SMIM5: variants seen among roughly 807,000 people sequenced by gnomAD.
The protein encoded by SMIM5 is chromosome 17 open reading frame 109.
A neutral mutation model predicts 4.0 loss-of-function variants in SMIM5; 4 were observed. The observed-to-expected ratio is 1.01, with a 90% CI of 0.50 to 2.30. The LOEUF (loss-of-function observed/expected upper bound fraction) is 2.30, where lower values mean the gene tolerates loss of function less well. SMIM5 is among the 30% of genes most tolerant of loss of function. SMIM5 has a pLI of 0.02. For missense variants in SMIM5, 107 were observed against 99.2 expected (o/e 1.08, Z -0.34); for synonymous variants, 46 against 43.6 (o/e 1.05, Z -0.22).
intron 1 of SMIM5, among the ~76,000 whole-genome samples, chr17:75,635,062 C>T (rs962019632): frequency 6.6e-6 from 1 of 152,204 alleles, no homozygotes; most frequent in East Asian, 1.9e-4. Context: ...CTCAAGCCAG[C>T]GTTAAAGCCA....
At position 75,640,455 on chromosome 17, in the gene SMIM5, C is replaced by T; in HGVS notation, c.127+127C>T. 7.2e-7 allele frequency: 1 copy of T among 1,395,842 alleles called. No homozygotes were observed. Among genetic ancestry groups the T allele is most frequent in the Non-Finnish European group, 9.5e-7 (1 of 1,057,140 alleles). The allele number at this position is 1,395,842 out of a possible 1,614,324, so 86.5% of individuals were successfully genotyped here. A position where few individuals can be genotyped will look rare whatever the true frequency, so the allele number is the denominator to read the frequency against. On this transcript the variant is annotated intron_variant, in intron 2 of 2. Coordinates refer to ENST00000375215, the MANE Select transcript of SMIM5 (RefSeq NM_001162995.3). The surrounding 1 kb of genome is among the most constrained non-coding windows in gnomAD (Gnocchi z 4.6). The stretch of plus-strand genomic sequence containing the variant: ...GGATCAAGGAGGAAAACCAGTTGTC[C>T]CTTGGGGGAAGCCAAGGGACTTCCC...
chr17:75,638,275 G>A (rs1246119348), intron 1 of SMIM5: 1 of 152,216 alleles, frequency 6.6e-6, no homozygotes, highest in Non-Finnish European at 1.5e-5. Context: ...GATGTCAGGA[G>A]TTCGAGACCA....
Position 75,640,968 on chromosome 17 carries a change from C to A in SMIM5, c.*71C>A. 6.6e-7 allele frequency: 1 copy of A among 1,518,402 alleles called. No individual in the cohort carries two copies. Among genetic ancestry groups the A allele is most frequent in the Non-Finnish European group, 8.8e-7 (1 of 1,132,864 alleles). 94.1% of individuals were successfully genotyped at this position (1,518,402 alleles called of 1,614,324 possible). ...GCCATGACACAGGCCATCAGCCTGG[C>A]CCTGCAGCCCTTACCCCTCAAGACC... On this transcript the variant is annotated 3_prime_UTR_variant, in exon 3 of 3. Transcript: ENST00000375215. The surrounding 1 kb of genome is among the most constrained non-coding windows in gnomAD (Gnocchi z 4.6).
chr17:75,633,537 A>T lies in SMIM5; in HGVS notation c.-702A>T. ...TCAGGATTCCAAGTTCTCCCCCAAG[A>T]CGCCTTCAGATGCTGAGCGGCACAA... is the stretch of plus-strand genomic sequence containing the variant. On this transcript the variant is annotated 5_prime_UTR_variant, in exon 1 of 3. Transcript: ENST00000375215. The T allele has an allele frequency of 6.2e-6, 8 of 1,285,378 alleles. No homozygotes were observed. Among genetic ancestry groups the T allele is most frequent in the African/African-American group, 1.5e-5 (1 of 65,822 alleles). The allele number at this position is 1,285,378 out of a possible 1,614,324, so 79.6% of individuals were successfully genotyped here.
At position 75,640,660 on chromosome 17, in the gene SMIM5, T is replaced by C; in HGVS notation, c.128-131T>C. 1 of 1,465,590 alleles carries C rather than the reference T, an allele frequency of 6.8e-7. No individual in the cohort carries two copies. The highest frequency in any genetic ancestry group is 2.2e-5 in the Admixed American group (1 of 45,990). The allele number at this position is 1,465,590 out of a possible 1,614,324, so 90.8% of individuals were successfully genotyped here. A position where few individuals can be genotyped will look rare whatever the true frequency, so the allele number is the denominator to read the frequency against. On this transcript the variant is annotated intron_variant, in intron 2 of 2. Transcript: ENST00000375215. This position sits in a 1 kb window ranked among gnomAD's most constrained non-coding sequence, Gnocchi z 4.6. ...GGACCGTCCGCACCTCTCACCAGCC[T>C]CTCGGATCTTTCTGACCTCCACCAA...
intron 1 of SMIM5, chr17:75,635,728 G>C (rs550063179): frequency 3.3e-6 from 3 of 914,426 alleles, no homozygotes; most frequent in East Asian, 1.2e-4. Flanking sequence ...AACAGGGCAA[G>C]GGTGACTAAA....
chr17:75,640,985 C>G lies in SMIM5; in HGVS notation c.*88C>G. The G allele has an allele frequency of 6.7e-7, 1 of 1,502,096 alleles. No individual in the cohort carries two copies. Among genetic ancestry groups the G allele is most frequent in the Non-Finnish European group, 8.9e-7 (1 of 1,122,560 alleles). The allele number at this position is 1,502,096 out of a possible 1,614,324, so 93.0% of individuals were successfully genotyped here. A position where few individuals can be genotyped will look rare whatever the true frequency, so the allele number is the denominator to read the frequency against. ...CAGCCTGGCCCTGCAGCCCTTACCC[C>G]TCAAGACCAGGCTCCCCTGGCCCCA... On this transcript the variant is annotated 3_prime_UTR_variant, in exon 3 of 3. Transcript: ENST00000375215. The surrounding 1 kb of genome is among the most constrained non-coding windows in gnomAD (Gnocchi z 4.6).
chr17:75,640,813 G>A lies in SMIM5; in HGVS notation c.150G>A (p.Leu50=). ...LFTATVLLLL[L]IACSCCCTHC... ...CAGCTACTGTTCTGCTGTTGCTGCT[G>A]ATAGCCTGCAGCTGCTGCTGCACTC... Residue 50 remains leucine, a synonymous_variant, in exon 3 of 3, where the codon CTG becomes CTA. Coordinates refer to ENST00000375215, the MANE Select transcript of SMIM5 (RefSeq NM_001162995.3). The surrounding 1 kb of genome is among the most constrained non-coding windows in gnomAD (Gnocchi z 4.6). 1 of 1,550,320 alleles carries A rather than the reference G, an allele frequency of 6.5e-7. No homozygotes were observed. The highest frequency in any genetic ancestry group is 8.7e-7 in the Non-Finnish European group (1 of 1,146,922).
In SMIM5 at chr17:75,640,933, G is replaced by C. The variant is rs1269751173; in HGVS notation, c.*36G>C. ...ATGGCTGAGGAGAAGCTGGAGAGGAGATGGCCAATGCCATGACACAGGCCA... is the reference window on the plus strand; with the variant it reads ...ATGGCTGAGGAGAAGCTGGAGAGGACATGGCCAATGCCATGACACAGGCCA... On this transcript the variant is annotated 3_prime_UTR_variant, in exon 3 of 3. Transcript: ENST00000375215. This position sits in a 1 kb window ranked among gnomAD's most constrained non-coding sequence, Gnocchi z 4.6. 2.6e-6 allele frequency: 4 copies of C among 1,536,362 alleles called. No individual in the cohort carries two copies. In the South Asian group the frequency reaches 3.6e-5, roughly 14 times the overall value.
Position 75,640,046 on chromosome 17 carries a change from T to C in SMIM5, c.-36-120T>C, listed in dbSNP as rs895653262. 3.7e-6 allele frequency: 4 copies of C among 1,067,958 alleles called. No individual in the cohort carries two copies. Among genetic ancestry groups the C allele is most frequent in the Non-Finnish European group, 3.9e-6 (3 of 773,278 alleles). 66.2% of individuals were successfully genotyped at this position (1,067,958 alleles called of 1,614,324 possible). A position where few individuals can be genotyped will look rare whatever the true frequency, so the allele number is the denominator to read the frequency against. Reference sequence around the variant, plus strand: ...TAGGTGGAAGTCACCAGGGGTGCAATGTGTGAGACCTGACAAACTTGTTCT... The same window carrying C: ...TAGGTGGAAGTCACCAGGGGTGCAACGTGTGAGACCTGACAAACTTGTTCT... On this transcript the variant is annotated intron_variant, in intron 1 of 2. Coordinates refer to ENST00000375215, the MANE Select transcript of SMIM5 (RefSeq NM_001162995.3). The surrounding 1 kb of genome is among the most constrained non-coding windows in gnomAD (Gnocchi z 4.6).
At chr17:75,635,471 T>C (rs1300505366) in intron 1 of SMIM5, among the ~76,000 whole-genome samples, 1 of 152,206 alleles carries the variant, frequency 6.6e-6, no homozygotes, top group Non-Finnish European at 1.5e-5. Flanking sequence ...GAGCGCCTAC[T>C]GTTTCTAACA....
rs947156364 is a variant in SMIM5 at position 75,633,850 on chromosome 17, G to A, written c.-389G>A. 21 of 996,754 alleles carry A rather than the reference G, an allele frequency of 2.1e-5. No homozygotes were observed. Among genetic ancestry groups the A allele is most frequent in the South Asian group, 1.3e-4 (3 of 23,738 alleles). The allele number at this position is 996,754 out of a possible 1,614,324, so 61.7% of individuals were successfully genotyped here. A position where few individuals can be genotyped will look rare whatever the true frequency, so the allele number is the denominator to read the frequency against. On this transcript the variant is annotated 5_prime_UTR_variant, in exon 1 of 3. Transcript: ENST00000375215. ...AGCTCCCAACCCAGGCCCAGCCCAC[G>A]GCGTGGGAGTCGGGGAGAGGGAGAG...
chr17:75,640,323 T>C lies in SMIM5; in HGVS notation c.122T>C (p.Phe41Ser), dbSNP rs945984227. 2 of 1,547,738 alleles carry C rather than the reference T, an allele frequency of 1.3e-6. No homozygotes were observed. Among genetic ancestry groups the C allele is most frequent in the Admixed American group, 2.0e-5 (1 of 50,438 alleles). ...GTGGCCTTCTCAGTCATCATCCTTT[T>C]CACAGGTTAGTTGGGGCACTCAGCA... Reference protein sequence around the residue: ...EIVAFSVIILFTATVLLLLLI... With the variant: ...EIVAFSVIILSTATVLLLLLI... The change falls in exon 2 of 3, where the codon TTC becomes TCC. Residue 41 changes from phenylalanine (F) to serine (S), a missense_variant. By Grantham distance (155) the Phe-to-Ser change is radical (BLOSUM62 -2). Coordinates refer to ENST00000375215, the MANE Select transcript of SMIM5 (RefSeq NM_001162995.3). This position sits in a 1 kb window ranked among gnomAD's most constrained non-coding sequence, Gnocchi z 4.6.
chr17:75,634,357 G>T, intron 1 of SMIM5, 155 bp downstream of exon 1: 3 of 554,988 alleles, frequency 5.4e-6, no homozygotes, highest in Non-Finnish European at 6.9e-6. Flanking sequence ...CCAGCCTCCT[G>T]CACACACCTG....
rs1039637466 is a variant in SMIM5 at position 75,636,826 on chromosome 17, A to G, written c.-37+2624A>G. The G allele has an allele frequency of 2.0e-5, 3 of 152,258 alleles. No homozygotes were observed. The highest frequency in any genetic ancestry group is 6.5e-5 in the Admixed American group (1 of 15,286). The allele number at this position is 152,258 out of a possible 1,614,324, so 9.4% of individuals were successfully genotyped here. On this transcript the variant is annotated intron_variant, in intron 1 of 2. Coordinates refer to ENST00000375215, the MANE Select transcript of SMIM5 (RefSeq NM_001162995.3). The surrounding 1 kb of genome is among the most constrained non-coding windows in gnomAD (Gnocchi z 5.4). ...CAGAACAGCCACGTCCAACGGTCCTACTTCTGCTCACTGTGTGACAGGATA... is the reference window on the plus strand; with the variant it reads ...CAGAACAGCCACGTCCAACGGTCCTGCTTCTGCTCACTGTGTGACAGGATA...
rs917329425 is a variant in SMIM5 at position 75,640,355 on chromosome 17, G to A, written c.127+27G>A. 3 of 1,518,254 alleles carry A rather than the reference G, an allele frequency of 2.0e-6. No homozygotes were observed. The Admixed American group carries it at 6.4e-5, about 32-fold the overall frequency. The allele number at this position is 1,518,254 out of a possible 1,614,324, so 94.0% of individuals were successfully genotyped here. ...TTAGTTGGGGCACTCAGCACCCCAT[G>A]GCTCTCCCTGGCATCTGGGAGAGAC... On this transcript the variant is annotated intron_variant, in intron 2 of 2. Transcript: ENST00000375215. This position sits in a 1 kb window ranked among gnomAD's most constrained non-coding sequence, Gnocchi z 4.6.
At chr17:75,635,285 G>A (rs750148798) in intron 1 of SMIM5, among the ~76,000 whole-genome samples, 2 of 152,256 alleles carry the variant, frequency 1.3e-5, no homozygotes, top group Middle Eastern at 3.4e-3. Context: ...GGTCGGGGTC[G>A]GGGCACAGCG....
At position 75,633,917 on chromosome 17, in the gene SMIM5, G is replaced by A; in HGVS notation, c.-322G>A. 1 of 987,572 alleles carries A rather than the reference G, an allele frequency of 1.0e-6. No homozygotes were observed. Among genetic ancestry groups the A allele is most frequent in the South Asian group, 4.6e-5 (1 of 21,610 alleles). 61.2% of individuals were successfully genotyped at this position (987,572 alleles called of 1,614,324 possible). On this transcript the variant is annotated 5_prime_UTR_variant, in exon 1 of 3. Coordinates refer to ENST00000375215, the MANE Select transcript of SMIM5 (RefSeq NM_001162995.3). ...GAGAGAGGGAGCTTGTCTTGTCCCT[G>A]AGCAGCGCTCTCAGGGCAGAGGTGA...
chr17:75,635,729 G>A (rs1293225246), intron 1 of SMIM5: 3 of 933,284 alleles, frequency 3.2e-6, no homozygotes, highest in Non-Finnish European at 3.8e-6. Context: ...ACAGGGCAAG[G>A]GTGACTAAAA....
Sources: gnomAD v4.1 joint callset for allele counts (sites outside exome capture counted in the v4.1 genomes callset) on GRCh38, gnomAD v4.1.1 for gene constraint, Gnocchi (gnomAD v3.1) non-coding constraint, MANE v1.5 for transcripts, NCBI Gene and HGNC (gene_info 2026-07-23, HGNC 2026-07-21) for gene names.